Variants in AFAP1L1 observed in about 807,000 individuals in gnomAD.
AFAP1L1 encodes the protein actin filament-associated protein 1-like 1.
In AFAP1L1, 77 loss-of-function variants were observed where a neutral mutation model predicts 99.8. The observed-to-expected ratio is 0.77, with a 90% CI of 0.64 to 0.93. AFAP1L1 has a LOEUF of 0.93. Among genes scored for constraint, AFAP1L1 ranks in the 40% least tolerant of loss-of-function variants. AFAP1L1 has a pLI of 0.00. For synonymous variants in AFAP1L1, 373 were observed against 395.3 expected, an observed-to-expected ratio of 0.94 and a Z score of 0.67; for missense variants, 893 against 996.8, an observed-to-expected ratio of 0.90 and a Z score of 1.40.
Position 149,320,482 on chromosome 5 carries a change from G to A in AFAP1L1, c.1698+19G>A. Reference sequence around the variant, plus strand: ...GATGCAGGTACAGTCCCTTGGGGCTGCCCAGGAATGTGGCAAAGGCCACTT... The same window carrying A: ...GATGCAGGTACAGTCCCTTGGGGCTACCCAGGAATGTGGCAAAGGCCACTT... On this transcript the variant is annotated intron_variant, in intron 14 of 18. Transcript: ENST00000296721. This position sits in a 1 kb window ranked among gnomAD's most constrained non-coding sequence, Gnocchi z 4.0. 1 of 1,613,360 alleles carries A rather than the reference G, an allele frequency of 6.2e-7. No homozygotes were observed. The highest frequency in any genetic ancestry group is 8.5e-7 in the Non-Finnish European group (1 of 1,179,380).
intron 1 of AFAP1L1, among the ~76,000 whole-genome samples, chr5:149,286,658 A>G (rs1755692032): frequency 6.6e-6 from 1 of 152,236 alleles, no homozygotes; most frequent in African/African-American, 2.4e-5. Flanking sequence ...AGGATGGCAC[A>G]TTTATATTAA....
At chr5:149,315,288 A>G (rs570213221) in intron 9 of AFAP1L1, among the ~76,000 whole-genome samples, 1 of 152,202 alleles carries the variant, frequency 6.6e-6, no homozygotes, top group East Asian at 1.9e-4. Context: ...CCTGCTGGTC[A>G]CCAGGTCCCG....
At chr5:149,300,499 C>T in intron 3 of AFAP1L1, 145 bp downstream of exon 3, 3 of 647,028 alleles carry the variant, frequency 4.6e-6, no homozygotes, top group Non-Finnish European at 8.0e-6. Context: ...CTGGGTTCTG[C>T]CAGCTCTGAA....
intron 4 of AFAP1L1, among the ~76,000 whole-genome samples, chr5:149,302,043 C>T (rs898677127): frequency 1.3e-5 from 2 of 152,246 alleles, no homozygotes; most frequent in African/African-American, 4.8e-5. Flanking sequence ...GGTCCTGCCT[C>T]ACTAAAGAAC....
intron 7 of AFAP1L1, among the ~76,000 whole-genome samples, chr5:149,308,453 T>C (rs1439631763): frequency 6.6e-6 from 1 of 152,208 alleles, no homozygotes; most frequent in East Asian, 1.9e-4. Flanking sequence ...GTTCTATTAC[T>C]TGCTTTTTTT....
At chr5:149,307,851 T>TCTCTCTCTCTCTCTCTCG (rs1756480660) in intron 7 of AFAP1L1, among the ~76,000 whole-genome samples, 1 of 148,046 alleles carries the variant, frequency 6.8e-6, no homozygotes, top group Non-Finnish European at 1.5e-5. Context: ...TCTCTCTCTC[T>TCTCTCTCTCTCTCTCTCG]CTCTCTTAAA....
intron 1 of AFAP1L1, among the ~76,000 whole-genome samples, chr5:149,278,982 A>G (rs755967759): frequency 2.0e-5 from 3 of 152,198 alleles, no homozygotes; most frequent in African/African-American, 4.8e-5. Flanking sequence ...CCTCCTGCCT[A>G]TAGTACATTT....
chr5:149,324,594 T>C (rs561550416), intron 15 of AFAP1L1, among the ~76,000 whole-genome samples: 2 of 152,368 alleles, frequency 1.3e-5, no homozygotes, highest in South Asian at 2.1e-4. Flanking sequence ...GAACATGTGT[T>C]ATGTCACACG....
At chr5:149,321,961 G>A (rs1490123759) in intron 14 of AFAP1L1, among the ~76,000 whole-genome samples, 2 of 152,130 alleles carry the variant, frequency 1.3e-5, no homozygotes, top group Non-Finnish European at 1.5e-5. Context: ...AGTCCAGGAG[G>A]TTGAGGCTGC....
chr5:149,276,818 C>T (rs1469690026), intron 1 of AFAP1L1: 1 of 152,246 alleles, frequency 6.6e-6, no homozygotes, highest in Non-Finnish European at 1.5e-5. Flanking sequence ...AACTCAAAGA[C>T]AGGGAACAGG....
intron 1 of AFAP1L1, among the ~76,000 whole-genome samples, chr5:149,292,550 T>C (rs1048361531): frequency 2.6e-5 from 4 of 152,218 alleles, no homozygotes; most frequent in Non-Finnish European, 4.4e-5. Context: ...GTTTCTAAAT[T>C]TATTTGAAAA....
At chr5:149,297,290 G>A (rs1227755812) in intron 1 of AFAP1L1, among the ~76,000 whole-genome samples, 5 of 152,102 alleles carry the variant, frequency 3.3e-5, no homozygotes, top group East Asian at 3.9e-4. Flanking sequence ...ACCTCCAGGC[G>A]CCTTTCGCCT....
At chr5:149,300,886 A>C (rs930373566) in intron 3 of AFAP1L1, among the ~76,000 whole-genome samples, 1 of 152,230 alleles carries the variant, frequency 6.6e-6, no homozygotes, top group Non-Finnish European at 1.5e-5. Context: ...AAGATTTCCA[A>C]AGTACCAAAA....
In AFAP1L1 at chr5:149,340,197, G is replaced by A. The variant is rs182751454; in HGVS notation, c.*167G>A. 5 of 673,990 alleles carry A rather than the reference G, an allele frequency of 7.4e-6. No homozygotes were observed. The highest frequency in any genetic ancestry group is 1.3e-5 in the Non-Finnish European group (5 of 395,776). The allele number at this position is 673,990 out of a possible 1,614,324, so 41.8% of individuals were successfully genotyped here. A position where few individuals can be genotyped will look rare whatever the true frequency, so the allele number is the denominator to read the frequency against. Reference sequence around the variant, plus strand: ...TCTGCATGATTTTAGGGGATATGGGGAGGGAACAAGTAGAAGGGAAGAGGG... The same window carrying A: ...TCTGCATGATTTTAGGGGATATGGGAAGGGAACAAGTAGAAGGGAAGAGGG... On this transcript the variant is annotated 3_prime_UTR_variant, in exon 19 of 19. Coordinates refer to ENST00000296721, the MANE Select transcript of AFAP1L1 (RefSeq NM_152406.4).
At chr5:149,283,346 G>A (rs1755577323) in intron 1 of AFAP1L1, among the ~76,000 whole-genome samples, 1 of 152,198 alleles carries the variant, frequency 6.6e-6, no homozygotes, top group Non-Finnish European at 1.5e-5. Context: ...GTTCAGTGGT[G>A]GGACTTGGCT....
At position 149,332,810 on chromosome 5, in the gene AFAP1L1, G is replaced by C; in HGVS notation, c.2091G>C (p.Leu697Phe). ...ELKLVAVKER[L>F]QQSLAGGPAL... ...AGCTGGTGGCTGTGAAGGAGCGCTT[G>C]CAGCAGTCCCTGGCAGGAGGGCCAG... The change falls in exon 17 of 19, where the codon TTG (leucine) becomes TTC (phenylalanine). Residue 697 changes from leucine to phenylalanine, a missense_variant. Coordinates refer to ENST00000296721, the MANE Select transcript of AFAP1L1 (RefSeq NM_152406.4). 1 of 1,612,818 alleles carries C rather than the reference G, an allele frequency of 6.2e-7. No homozygotes were observed. Among genetic ancestry groups the C allele is most frequent in the Non-Finnish European group, 8.5e-7 (1 of 1,179,876 alleles).
At position 149,322,644 on chromosome 5, in the gene AFAP1L1, G is replaced by A. The variant is rs1488344696; in HGVS notation, c.1737G>A (p.Lys579=). The A allele has an allele frequency of 1.9e-6, 3 of 1,591,610 alleles. No homozygotes were observed. Among genetic ancestry groups the A allele is most frequent in the South Asian group, 1.1e-5 (1 of 87,282 alleles). ...EPERPTGAQV[K]RHASSCSEKS... is the part of the protein sequence containing the mutation. ...AGCGCCCCACAGGGGCCCAGGTGAAGCGTCACGCCTCCTCCTGCAGTGAGA... is the reference window on the plus strand; with the variant it reads ...AGCGCCCCACAGGGGCCCAGGTGAAACGTCACGCCTCCTCCTGCAGTGAGA... Residue 579 remains lysine (K), a synonymous_variant, in exon 15 of 19, where the codon AAG becomes AAA. Transcript: ENST00000296721.
Position 149,317,934 on chromosome 5 carries a change from C to T in AFAP1L1, c.1473C>T (p.Ile491=), listed in dbSNP as rs776212176. 3 of 1,568,856 alleles carry T rather than the reference C, an allele frequency of 1.9e-6. No homozygotes were observed. The African/African-American group carries it at 4.1e-5, about 21-fold the overall frequency. The change falls in exon 12 of 19, where the codon ATC becomes ATT. Residue 491 remains isoleucine, a synonymous_variant. Transcript: ENST00000296721. ...RILRNRQEVA[I]LEASCSEDMG... is the part of the protein sequence containing the mutation. The stretch of plus-strand genomic sequence containing the variant: ...TGCGCAACCGGCAGGAGGTGGCCAT[C>T]TTGGAGGTGAGAGGAGAGGGTGGGA...
At chr5:149,338,056 G>A (rs1435295939) in intron 18 of AFAP1L1, among the ~76,000 whole-genome samples, 6 of 152,218 alleles carry the variant, frequency 3.9e-5, no homozygotes, top group Non-Finnish European at 7.3e-5. Flanking sequence ...AGCTGAAATT[G>A]CATATCATAT....
Sources: allele counts gnomAD v4.1 joint callset (sites outside exome capture counted in the v4.1 genomes callset), GRCh38; gene constraint gnomAD v4.1.1; non-coding constraint Gnocchi (gnomAD v3.1); transcripts MANE v1.5; gene names NCBI Gene and HGNC (gene_info 2026-07-23, HGNC 2026-07-21).